LIPA: variants seen among roughly 807,000 people sequenced by gnomAD.
The protein encoded by LIPA is lysosomal acid lipase/cholesteryl ester hydrolase.
A neutral mutation model predicts 40.6 loss-of-function variants in LIPA; 26 were observed. The ratio of observed to expected loss-of-function variants is 0.64; its 90% confidence interval spans 0.47 to 0.89. The LOEUF (loss-of-function observed/expected upper bound fraction) is 0.89, where lower values mean the gene tolerates loss of function less well. LIPA is among the 40% of genes least tolerant of loss of function. The pLI, the probability that LIPA is intolerant of heterozygous loss-of-function variation, is 0.00. For missense variants in LIPA, 455 were observed against 479.6 expected, an observed-to-expected ratio of 0.95 and a Z score of 0.48; for synonymous variants, 188 against 168.4, an observed-to-expected ratio of 1.12 and a Z score of -0.90.
At chr10:89,377,793 A>G (rs1358754553) in intron 2 of LIPA, among the ~76,000 whole-genome samples, 5 of 152,178 alleles carry the variant, frequency 3.3e-5, no homozygotes, top group Admixed American at 6.5e-5. Flanking sequence ...TTTTTCCACA[A>G]CACTGAATGT....
intron 8 of LIPA, among the ~76,000 whole-genome samples, chr10:89,217,735 A>G (rs1842645608): frequency 6.6e-6 from 1 of 152,238 alleles, no homozygotes; most frequent in Non-Finnish European, 1.5e-5. Context: ...AATCCCTTGT[A>G]GTATATCATC....
At chr10:89,221,840 GA>G (rs1842702514) in intron 8 of LIPA, among the ~76,000 whole-genome samples, 2 of 152,190 alleles carry the variant, frequency 1.3e-5, no homozygotes, top group Admixed American at 6.5e-5. Context: ...ATAGAATGCA[GA>G]GACATTCAAT....
chr10:89,329,759 G>C (rs1843631789), intron 1 of LIPA, among the ~76,000 whole-genome samples: 1 of 152,138 alleles, frequency 6.6e-6, no homozygotes. Context: ...GTGATCTGTA[G>C]TTAGTGGTTT....
At chr10:89,243,047 C>T (rs1412445) in intron 3 of LIPA, among the ~76,000 whole-genome samples, 56,374 of 152,002 alleles carry the variant, frequency 0.37, 10,740 homozygotes, top group South Asian at 0.52. Context: ...TAGGAGGATG[C>T]TGGTGCTATT....
At chr10:89,381,665 G>A (rs921689377) in intron 2 of LIPA, among the ~76,000 whole-genome samples, 2 of 152,190 alleles carry the variant, frequency 1.3e-5, no homozygotes, top group African/African-American at 4.8e-5. Context: ...GCTGTGTTGA[G>A]CTGCCAGCTG....
chr10:89,362,462 G>C (rs760294019), intron 2 of LIPA: 1 of 180,894 alleles, frequency 5.5e-6, no homozygotes, highest in Non-Finnish European at 1.2e-5. Context: ...CAACATACTA[G>C]CTTATGTGAA....
At chr10:89,236,696 T>C (rs1032738546) in intron 3 of LIPA, among the ~76,000 whole-genome samples, 9 of 152,230 alleles carry the variant, frequency 5.9e-5, no homozygotes, top group Admixed American at 2.0e-4. Flanking sequence ...CCATTTGTCA[T>C]TGCAGCTATG....
At chr10:89,249,841 T>C (rs747220536) in intron 1 of LIPA, among the ~76,000 whole-genome samples, 4 of 152,210 alleles carry the variant, frequency 2.6e-5, no homozygotes, top group Non-Finnish European at 4.4e-5. Flanking sequence ...TGTGTACACA[T>C]GCAAAAACTT....
At chr10:89,391,140 C>A (rs529764860) in intron 2 of LIPA, among the ~76,000 whole-genome samples, 1 of 152,370 alleles carries the variant, frequency 6.6e-6, no homozygotes, top group South Asian at 2.1e-4. Context: ...AATACTCTTG[C>A]ACCTGCTCCT....
intron 2 of LIPA, among the ~76,000 whole-genome samples, chr10:89,399,330 C>T (rs576479849): frequency 6.6e-6 from 1 of 152,252 alleles, no homozygotes; most frequent in East Asian, 1.9e-4. Context: ...TTTGTCTTAT[C>T]ACTCTGTTGA....
chr10:89,272,509 A>G (rs1690529825), intron 1 of LIPA, among the ~76,000 whole-genome samples: 1 of 152,214 alleles, frequency 6.6e-6, no homozygotes, highest in Non-Finnish European at 1.5e-5. Context: ...AGGGGCATTT[A>G]GGTTGATTCC....
At chr10:89,386,739 C>T (rs898753204) in intron 2 of LIPA, among the ~76,000 whole-genome samples, 5 of 152,278 alleles carry the variant, frequency 3.3e-5, no homozygotes, top group African/African-American at 1.2e-4. Flanking sequence ...AAAGAAGTAA[C>T]AAGAGATTTA....
At chr10:89,288,219 AAAC>A (rs71022558) in intron 1 of LIPA, among the ~76,000 whole-genome samples, 47,018 of 151,768 alleles carry the variant, frequency 0.31, 7,961 homozygotes, top group Non-Finnish European at 0.39. Context: ...TCCTTCTACA[AAAC>A]AACAACTGCT....
intron 3 of LIPA, among the ~76,000 whole-genome samples, chr10:89,236,725 T>C (rs1842909209): frequency 6.6e-6 from 1 of 151,128 alleles, no homozygotes; most frequent in Non-Finnish European, 1.5e-5. Context: ...TGCCAAAACC[T>C]TGCACTTTTT....
chr10:89,314,695 T>A (rs1843533346), intron 1 of LIPA: 1 of 152,220 alleles, frequency 6.6e-6, no homozygotes. Flanking sequence ...TATGAATTTC[T>A]TAATGATGCA....
chr10:89,310,777 A>G (rs555479495), intron 1 of LIPA, among the ~76,000 whole-genome samples: 1 of 152,310 alleles, frequency 6.6e-6, no homozygotes, highest in East Asian at 1.9e-4. Flanking sequence ...ACAAATCCCA[A>G]ACAGTTCTGC....
intron 1 of LIPA, among the ~76,000 whole-genome samples, chr10:89,337,525 G>A (rs1404337111): frequency 4.6e-5 from 7 of 151,992 alleles, no homozygotes; most frequent in Non-Finnish European, 8.8e-5. Flanking sequence ...TCAGCCTCCC[G>A]AATGGCGAGG....
At chr10:89,264,723 T>C (rs1242919405) in intron 1 of LIPA, among the ~76,000 whole-genome samples, 2 of 152,228 alleles carry the variant, frequency 1.3e-5, no homozygotes, top group Admixed American at 6.5e-5. Context: ...GATTGGTCCA[T>C]GGGCGGCCAT....
chr10:89,354,279 C>T (rs979887112), intron 2 of LIPA, among the ~76,000 whole-genome samples: 2 of 152,310 alleles, frequency 1.3e-5, no homozygotes, highest in Admixed American at 1.3e-4. Flanking sequence ...GTTGTGCCAC[C>T]TTTCTGAACC....
Sources: gnomAD v4.1 joint callset for allele counts (sites outside exome capture counted in the v4.1 genomes callset) on GRCh38, gnomAD v4.1.1 for gene constraint, MANE v1.5 for transcripts, NCBI Gene and HGNC (gene_info 2026-07-23, HGNC 2026-07-21) for gene names.